GRIK4: variants seen among roughly 807,000 people sequenced by gnomAD.
GRIK4 encodes glutamate receptor ionotropic, kainate 4.
Under a neutral mutation model 104.9 loss-of-function variants are expected in GRIK4, and 40 were observed. The observed-to-expected ratio is 0.38, with a 90% confidence interval of 0.30 to 0.50. The LOEUF (loss-of-function observed/expected upper bound fraction) is 0.50, where lower values mean the gene tolerates loss of function less well. Among genes scored for constraint, GRIK4 ranks in the 20% least tolerant of loss-of-function variants. The pLI is 0.93. For missense variants in GRIK4, 1,047 were observed against 1,308.1 expected (o/e 0.80, Z 3.08); for synonymous variants, 485 against 524.9 (o/e 0.92, Z 1.04).
Position 120,794,475 on chromosome 11 carries a change from C to G in GRIK4, c.83-8218C>G, listed in dbSNP as rs1180970390. ...CCCCCTAAGACATCAGAATGTGACT[C>G]TATTTGGTGTTGAGGTAAGAAAGTT... is the stretch of plus-strand genomic sequence containing the variant. On this transcript the variant is annotated intron_variant, in intron 3 of 20. Coordinates refer to ENST00000527524, the MANE Select transcript of GRIK4 (RefSeq NM_014619.5). Among the ~76,000 whole-genome samples the G allele has an allele frequency of 3.3e-5, 5 of 151,838 alleles. No homozygotes were observed. The East Asian group carries it at 5.8e-4, about 18-fold the overall frequency.
chr11:120,798,157 CTTTTTTTT>C (rs539833846), intron 3 of GRIK4, among the ~76,000 whole-genome samples: 21 of 68,120 alleles, frequency 3.1e-4, no homozygotes, highest in South Asian at 8.4e-4. Flanking sequence ...TCTGCTGTCT[CTTTTTTTT>C]TTTTTTTTTT....
chr11:120,751,951 T>G (rs996570075), intron 3 of GRIK4, among the ~76,000 whole-genome samples: 1 of 151,590 alleles, frequency 6.6e-6, no homozygotes. Flanking sequence ...GGCTGGGGGG[T>G]GGGGAGACAC....
At chr11:120,615,163 G>C (rs190921967) in intron 1 of GRIK4, among the ~76,000 whole-genome samples, 25 of 152,266 alleles carry the variant, frequency 1.6e-4, no homozygotes, top group African/African-American at 6.0e-4. Context: ...TGTTATTCTT[G>C]TTTGCTATTT....
At chr11:120,595,051 C>T (rs952445296) in intron 1 of GRIK4, among the ~76,000 whole-genome samples, 4 of 152,198 alleles carry the variant, frequency 2.6e-5, no homozygotes, top group African/African-American at 7.2e-5. Flanking sequence ...AAGTTGCCAT[C>T]CTCCTCTTCA....
rs1374881335 is a variant in GRIK4, at chr11:120,513,916, G to A, written c.-159+2029G>A. The stretch of plus-strand genomic sequence containing the variant: ...TCTTCCGAGAGCCTGGGTCGGCTTC[G>A]TGGTCTGATTTCCACTTTGGTTTTC... On this transcript the variant is annotated intron_variant, in intron 1 of 20. Coordinates refer to ENST00000527524, the MANE Select transcript of GRIK4 (RefSeq NM_014619.5). The surrounding 1 kb of genome is among the most constrained non-coding windows in gnomAD (Gnocchi z 4.5). 3.9e-5 allele frequency among the ~76,000 whole-genome samples: 6 copies of A among 152,220 alleles called. No individual in the cohort carries two copies. Among genetic ancestry groups the A allele is most frequent in the East Asian group, 3.8e-4 (2 of 5,198 alleles).
intron 3 of GRIK4, among the ~76,000 whole-genome samples, chr11:120,763,944 T>C (rs894025655): frequency 6.6e-6 from 1 of 152,192 alleles, no homozygotes; most frequent in African/African-American, 2.4e-5. Flanking sequence ...GAGAGTTCTG[T>C]AGGTGGCTGT....
intron 8 of GRIK4, among the ~76,000 whole-genome samples, chr11:120,843,907 C>G (rs1268158932): frequency 6.6e-6 from 1 of 152,164 alleles, no homozygotes; most frequent in African/African-American, 2.4e-5. Flanking sequence ...GTTCACCCGA[C>G]AGGTCCTCAG....
At chr11:120,835,460 G>A (rs1434845668) in intron 7 of GRIK4, among the ~76,000 whole-genome samples, 2 of 152,188 alleles carry the variant, frequency 1.3e-5, no homozygotes, top group East Asian at 1.9e-4. Context: ...CCCAGGAGGC[G>A]GAGGTTGCAG....
intron 1 of GRIK4, among the ~76,000 whole-genome samples, chr11:120,626,776 AC>A (rs1444964100): frequency 6.6e-6 from 1 of 152,180 alleles, no homozygotes; most frequent in African/African-American, 2.4e-5. Context: ...CTCTTGCTGG[AC>A]TTCTGTGCTT....
intron 14 of GRIK4, among the ~76,000 whole-genome samples, chr11:120,947,749 C>T (rs1338922829): frequency 4.6e-5 from 7 of 152,154 alleles, no homozygotes; most frequent in African/African-American, 1.2e-4. Context: ...GTAATTCTCA[C>T]GGCCCCTCTT....
chr11:120,615,669 C>T (rs1455653226), intron 1 of GRIK4, among the ~76,000 whole-genome samples: 1 of 152,188 alleles, frequency 6.6e-6, no homozygotes, highest in African/African-American at 2.4e-5. Context: ...GCTTGGCTGG[C>T]ACTCTTCCTG....
intron 13 of GRIK4, among the ~76,000 whole-genome samples, chr11:120,915,283 C>G (rs1943082827): frequency 6.6e-6 from 1 of 152,212 alleles, no homozygotes; most frequent in Non-Finnish European, 1.5e-5. Context: ...TGCACTCTCT[C>G]CACAACACTC....
chr11:120,564,975 GC>G (rs1318849619), intron 1 of GRIK4, among the ~76,000 whole-genome samples: 2 of 122,778 alleles, frequency 1.6e-5, no homozygotes, highest in African/African-American at 7.3e-5. Context: ...TCCGCCGGCT[GC>G]GGGGGGGTGG....
At chr11:120,519,294 C>G (rs1947768031) in intron 1 of GRIK4, among the ~76,000 whole-genome samples, 1 of 152,322 alleles carries the variant, frequency 6.6e-6, no homozygotes, top group African/African-American at 2.4e-5. Flanking sequence ...CCCCAGAATT[C>G]ATGTTGAAAT....
intron 3 of GRIK4, among the ~76,000 whole-genome samples, chr11:120,700,512 G>A (rs972725304): frequency 2.0e-5 from 3 of 151,992 alleles, no homozygotes; most frequent in African/African-American, 7.3e-5. Context: ...AGGCTGGGGT[G>A]CAGTGGCGTG....
intron 1 of GRIK4, among the ~76,000 whole-genome samples, chr11:120,568,312 G>A (rs1164600634): frequency 6.6e-6 from 1 of 152,162 alleles, no homozygotes; most frequent in Non-Finnish European, 1.5e-5. Context: ...AGTTCTTACT[G>A]CTTCCATTTT....
At chr11:120,904,362 C>T (rs1942818030) in intron 12 of GRIK4, among the ~76,000 whole-genome samples, 1 of 152,206 alleles carries the variant, frequency 6.6e-6, no homozygotes, top group African/African-American at 2.4e-5. Context: ...TGAGGACCCA[C>T]ACCCAACCAA....
intron 3 of GRIK4, among the ~76,000 whole-genome samples, chr11:120,744,065 T>C (rs1951388610): frequency 6.6e-6 from 1 of 152,206 alleles, no homozygotes. Flanking sequence ...AGCTAAGTCC[T>C]GTATAATTCT....
At chr11:120,623,447 G>A (rs1038111869) in intron 1 of GRIK4, among the ~76,000 whole-genome samples, 3 of 151,708 alleles carry the variant, frequency 2.0e-5, no homozygotes, top group African/African-American at 7.3e-5. Flanking sequence ...GTACTCTTTA[G>A]GTGTGACCCC....
Sources: allele counts gnomAD v4.1 joint callset (sites outside exome capture counted in the v4.1 genomes callset), GRCh38; gene constraint gnomAD v4.1.1; non-coding constraint Gnocchi (gnomAD v3.1); transcripts MANE v1.5; gene names NCBI Gene and HGNC (gene_info 2026-07-23, HGNC 2026-07-21).